UNC13D: variants seen among roughly 807,000 people sequenced by gnomAD.
UNC13D encodes protein unc-13 homolog D.
Under a neutral mutation model 151.7 loss-of-function variants are expected in UNC13D, and 115 were observed. The observed-to-expected ratio is 0.76, with a 90% CI of 0.65 to 0.88. The LOEUF is 0.88. Among genes scored for constraint, UNC13D ranks in the 40% least tolerant of loss-of-function variants. UNC13D has a pLI of 0.00. For missense variants in UNC13D, 1,369 were observed against 1,438.7 expected, an observed-to-expected ratio of 0.95 and a Z score of 0.78; for synonymous variants, 588 against 612.2, an observed-to-expected ratio of 0.96 and a Z score of 0.58.
At position 75,827,434 on chromosome 17, in the gene UNC13D, TGCTGG is replaced by T; in HGVS notation, c.*526_*530del. On this transcript the variant is annotated 3_prime_UTR_variant, in exon 32 of 32. Transcript: ENST00000207549. Reference sequence around the variant, plus strand: ...TTGGCTCCAGGCTTCCTGGCCTGGATGCTGGCAGCCCCTGGGGAGAGGACCCAGGC... The same window carrying T: ...TTGGCTCCAGGCTTCCTGGCCTGGATCAGCCCCTGGGGAGAGGACCCAGGC... The T allele has an allele frequency of 2.8e-6, 4 of 1,424,580 alleles. No individual in the cohort carries two copies. Among genetic ancestry groups the T allele is most frequent in the Admixed American group, 2.9e-5 (1 of 34,962 alleles). The allele number at this position is 1,424,580 out of a possible 1,614,324, so 88.2% of individuals were successfully genotyped here. A position where few individuals can be genotyped will look rare whatever the true frequency, so the allele number is the denominator to read the frequency against.
At position 75,828,004 on chromosome 17, in the gene UNC13D, G is replaced by A. The variant is rs1392114587; in HGVS notation, c.3234C>T (p.Ala1078=). Residue 1078 remains alanine, a synonymous_variant, in exon 32 of 32, where the codon GCC becomes GCT. Coordinates refer to ENST00000207549, the MANE Select transcript of UNC13D (RefSeq NM_199242.3). ...QVFVRLRRHR[A]KQASQHALRP... ...GCAAGGCATGCTGGGAGGCCTGCTTGGCCCGGTGCCGCCGCAGCCTCACAA... is the reference window on the plus strand; with the variant it reads ...GCAAGGCATGCTGGGAGGCCTGCTTAGCCCGGTGCCGCCGCAGCCTCACAA... 1.9e-6 allele frequency: 3 copies of A among 1,600,332 alleles called. No individual in the cohort carries two copies. Among genetic ancestry groups the A allele is most frequent in the Non-Finnish European group, 2.6e-6 (3 of 1,174,790 alleles).
Position 75,835,151 on chromosome 17 carries a change from C to T in UNC13D, c.1849-88G>A. Reference sequence around the variant, plus strand: ...TCATAGAGCAGCTACCATCACCAGGCACAGAGCTGGGCAGGGAGCTTCACA... The same window carrying T: ...TCATAGAGCAGCTACCATCACCAGGTACAGAGCTGGGCAGGGAGCTTCACA... On this transcript the variant is annotated intron_variant, in intron 20 of 31. Coordinates refer to ENST00000207549, the MANE Select transcript of UNC13D (RefSeq NM_199242.3). The T allele has an allele frequency of 2.5e-6, 4 of 1,571,692 alleles. No individual in the cohort carries two copies. The South Asian group carries it at 3.5e-5, about 14-fold the overall frequency.
In UNC13D at chr17:75,835,856, A is replaced by C; in HGVS notation, c.1595T>G (p.Leu532Arg). 5 of 1,614,142 alleles carry C rather than the reference A, an allele frequency of 3.1e-6. No homozygotes were observed. The highest frequency in any genetic ancestry group is 4.2e-6 in the Non-Finnish European group (5 of 1,180,024). ...FSMAFRELQW[L>R]VAKRVQDHTT... ...CCTAGAGACGGGGGAGGGACTCACC[A>C]GCCACTGCAGCTCCCGGAAAGCCAT... The change falls in exon 18 of 32, where the codon CTG (leucine) becomes CGG (arginine). Residue 532 changes from leucine (L) to arginine (R), a missense_variant and splice_region_variant. Around this residue, in one of 3 missense-constraint regions of UNC13D, gnomAD observed 807 missense variants for 795.5 expected, o/e 1.01. Transcript: ENST00000207549.
Position 75,844,283 on chromosome 17 carries a change from T to C in UNC13D, c.55A>G (p.Ile19Val). 1.9e-6 allele frequency: 3 copies of C among 1,612,914 alleles called. No individual in the cohort carries two copies. In the Middle Eastern group the frequency reaches 5.0e-4, roughly 266 times the overall value. Residue 19 changes from isoleucine to valine, a missense_variant, in exon 1 of 32, where the codon ATC (isoleucine) becomes GTC (valine). Physicochemically the swap from Ile to Val is conservative, Grantham distance 29 (BLOSUM62 3). Transcript: ENST00000207549. ...CTGACTCTGCGGCGCCTTATCTTGA[T>C]GGCCTGGCGCAAGAAGGGAGGGCGC... ...QQRPPFLRQA[I>V]KIRRRRVRDL...
chr17:75,827,930 C>G lies in UNC13D; in HGVS notation c.*35G>C, dbSNP rs1439482891. 50 of 1,603,832 alleles carry G rather than the reference C, an allele frequency of 3.1e-5. No individual in the cohort carries two copies. The highest frequency in any genetic ancestry group is 4.1e-5 in the Non-Finnish European group (48 of 1,177,064). On this transcript the variant is annotated 3_prime_UTR_variant, in exon 32 of 32. Coordinates refer to ENST00000207549, the MANE Select transcript of UNC13D (RefSeq NM_199242.3). ...CTACAGGAAAGCCCTTGCAAGTCCC[C>G]ACCGGGGACCCAGCCCCACCGCAAA...
intron 12 of UNC13D, among the ~76,000 whole-genome samples, chr17:75,837,706 A>G (rs1272023372): frequency 6.7e-6 from 1 of 148,352 alleles, no homozygotes; most frequent in Non-Finnish European, 1.5e-5. Context: ...GTGAGCTGAG[A>G]TTGTGCCATG....
chr17:75,831,353 G>A lies in UNC13D; in HGVS notation c.2448-5C>T. On this transcript the variant is annotated splice_polypyrimidine_tract_variant and splice_region_variant and intron_variant, in intron 25 of 31. Coordinates refer to ENST00000207549, the MANE Select transcript of UNC13D (RefSeq NM_199242.3). ...GTCCAGAGCAGGGTCAGGAGGCTGG[G>A]GCGGGGCCGGAGGGATGCGGACACA... The A allele has an allele frequency of 6.3e-7, 1 of 1,593,414 alleles. No homozygotes were observed.
rs143190205 is a variant in UNC13D, at chr17:75,835,451, G to C, written c.1806C>G (p.Asn602Lys). ...CGCGCTGCACCCGCGCCAGGGCCTCGTTGTACGTCTTCTGCAGCCAGGAGG... is the reference window on the plus strand; with the variant it reads ...CGCGCTGCACCCGCGCCAGGGCCTCCTTGTACGTCTTCTGCAGCCAGGAGG... ...AIPSWLQKTY[N>K]EALARVQRAV... Residue 602 changes from asparagine to lysine, a missense_variant, in exon 20 of 32, where the codon AAC becomes AAG. Transcript: ENST00000207549. 6.2e-7 allele frequency: 1 copy of C among 1,613,020 alleles called. No individual in the cohort carries two copies. Among genetic ancestry groups the C allele is most frequent in the East Asian group, 2.2e-5 (1 of 44,840 alleles).
At chr17:75,829,386 C>T (rs2062144956) in intron 30 of UNC13D, among the ~76,000 whole-genome samples, 2 of 151,448 alleles carry the variant, frequency 1.3e-5, no homozygotes, top group South Asian at 4.2e-4. Flanking sequence ...ACCTCCGCCT[C>T]CCGGGTTCAA....
intron 12 of UNC13D, among the ~76,000 whole-genome samples, chr17:75,837,854 G>T: frequency 6.6e-6 from 1 of 152,172 alleles, no homozygotes; most frequent in South Asian, 2.1e-4. Flanking sequence ...AGATGGTTTG[G>T]GGGGATATCA....
At chr17:75,828,761 C>T (rs936530349) in intron 31 of UNC13D, 26 bp downstream of exon 31, 99 of 1,507,076 alleles carry the variant, frequency 6.6e-5, no homozygotes, top group Non-Finnish European at 8.5e-5. Flanking sequence ...CGTCCCCGCA[C>T]CACCCTGCCC....
Position 75,836,536 on chromosome 17 carries a change from C to T in UNC13D, c.1298+36G>A, listed in dbSNP as rs542022765. On this transcript the variant is annotated intron_variant, in intron 14 of 31. Transcript: ENST00000207549. ...AGGCACCCCAGCTGCTCCCTCATCC[C>T]TGACCCCACCGAGGAAGAGGAAGGC... The T allele has an allele frequency of 2.5e-6, 4 of 1,613,196 alleles. No individual in the cohort carries two copies. In the East Asian group the frequency reaches 6.7e-5, roughly 27 times the overall value.
Position 75,827,383 on chromosome 17 carries a change from C to G in UNC13D, c.*582G>C, listed in dbSNP as rs2062130896. On this transcript the variant is annotated 3_prime_UTR_variant, in exon 32 of 32. Transcript: ENST00000207549. ...GTGCCAGCCCTGCCGCCTGCCAGCT[C>G]TTGCTCCCTCAGAGCCAGAAGGTTC... The G allele has an allele frequency of 1.5e-6, 2 of 1,354,462 alleles. No homozygotes were observed. The highest frequency in any genetic ancestry group is 1.9e-6 in the Non-Finnish European group (2 of 1,041,246). 83.9% of individuals were successfully genotyped at this position (1,354,462 alleles called of 1,614,324 possible). A position where few individuals can be genotyped will look rare whatever the true frequency, so the allele number is the denominator to read the frequency against.
Position 75,830,366 on chromosome 17 carries a change from G to A in UNC13D, c.2826C>T (p.Ser942=). The A allele has an allele frequency of 6.3e-7, 1 of 1,592,974 alleles. No homozygotes were observed. The highest frequency in any genetic ancestry group is 8.5e-7 in the Non-Finnish European group (1 of 1,171,618). The change falls in exon 29 of 32, where the codon TCC becomes TCT. Residue 942 remains serine, a synonymous_variant. Transcript: ENST00000207549. ...CCAAAGGCAGCCTCCACTCACCATT[G>A]GAGTCCAGGGGCAGCAGGCTGGAGG... ...LSASSLLPLD[S]NGSSDPFVQL...
chr17:75,834,188 C>T lies in UNC13D; in HGVS notation c.2299-45G>A, dbSNP rs2064890509. On this transcript the variant is annotated intron_variant, in intron 23 of 31. Coordinates refer to ENST00000207549, the MANE Select transcript of UNC13D (RefSeq NM_199242.3). ...GAAGGAGGGAGGTCAGGGCATGAGTCGGGGATGGAAGAGTTCCTTAGGGCC... is the reference window on the plus strand; with the variant it reads ...GAAGGAGGGAGGTCAGGGCATGAGTTGGGGATGGAAGAGTTCCTTAGGGCC... 4.3e-6 allele frequency: 7 copies of T among 1,610,394 alleles called. No individual in the cohort carries two copies. In the South Asian group the frequency reaches 4.4e-5, roughly 10 times the overall value.
chr17:75,828,787 C>G lies in UNC13D; in HGVS notation c.3151G>C (p.Gly1051Arg). ...CACCCTGCCCTGGGCTCAGGCCTACCGTTGGGTGCGGGGTACGTGAGGGGC... is the reference window on the plus strand; with the variant it reads ...CACCCTGCCCTGGGCTCAGGCCTACGGTTGGGTGCGGGGTACGTGAGGGGC... ...RLPLTYPAPNGDPILQLLEGR... is the reference protein window; with the variant it reads ...RLPLTYPAPNRDPILQLLEGR... The change falls in exon 31 of 32, where the codon GGG becomes CGG. Residue 1051 changes from glycine (G) to arginine (R), a missense_variant and splice_region_variant. By Grantham distance (125) the Gly-to-Arg change is moderately radical (BLOSUM62 -2). Transcript: ENST00000207549. 1 of 1,537,392 alleles carries G rather than the reference C, an allele frequency of 6.5e-7. No individual in the cohort carries two copies. The highest frequency in any genetic ancestry group is 2.0e-5 in the Admixed American group (1 of 50,840).
intron 1 of UNC13D, chr17:75,843,862 C>T (rs1292214021): frequency 5.8e-6 from 8 of 1,369,568 alleles, no homozygotes; most frequent in Admixed American, 3.1e-5. Flanking sequence ...GAGGGGGGTG[C>T]CACGTCGGCC....
intron 6 of UNC13D, among the ~76,000 whole-genome samples, chr17:75,841,503 G>A (rs1321103719): frequency 7.2e-6 from 1 of 138,250 alleles, no homozygotes; most frequent in Admixed American, 7.2e-5. Flanking sequence ...GTGCAGTGGC[G>A]TGATCTCGGC....
intron 20 of UNC13D, 92 bp from the exon 21 acceptor site, chr17:75,835,155 G>C: frequency 2.6e-6 from 4 of 1,565,332 alleles, no homozygotes; most frequent in Non-Finnish European, 2.6e-6. Context: ...ACCAGGCACA[G>C]AGCTGGGCAG....
Sources: gnomAD v4.1 joint callset for allele counts (sites outside exome capture counted in the v4.1 genomes callset) on GRCh38, gnomAD v4.1.1 for gene constraint, gnomAD v4.1.1 regional missense constraint, MANE v1.5 for transcripts, NCBI Gene and HGNC (gene_info 2026-07-23, HGNC 2026-07-21) for gene names.